ZNF676: variants seen among roughly 807,000 people sequenced by gnomAD.
ZNF676 encodes the protein zinc finger protein 676.
A neutral mutation model predicts 6.0 loss-of-function variants in ZNF676; 4 were observed. The ratio of observed to expected loss-of-function variants is 0.67; its 90% CI spans 0.33 to 1.53. ZNF676 has a LOEUF of 1.53. Ranked by LOEUF, ZNF676 falls within the 40% of genes most tolerant of loss-of-function variation. The pLI is 0.06. For synonymous variants in ZNF676, 198 were observed against 223.1 expected (o/e 0.89, Z 1.00); for missense variants, 644 against 679.7 (o/e 0.95, Z 0.58).
At chr19:22,183,838 C>A (rs964228202) in intron 2 of ZNF676, among the ~76,000 whole-genome samples, 9 of 152,018 alleles carry the variant, frequency 5.9e-5, no homozygotes, top group Admixed American at 2.0e-4. Flanking sequence ...ATAAAATGCA[C>A]TTGACAATGA....
chr19:22,232,950 G>T, the ZNF676 span, among the ~76,000 whole-genome samples: 1 of 151,806 alleles, frequency 6.6e-6, no homozygotes, highest in South Asian at 2.1e-4. Context: ...AAAAGTATAT[G>T]GAATCTAATG....
At chr19:22,245,560 G>A in the ZNF676 span, among the ~76,000 whole-genome samples, 4 of 145,840 alleles carry the variant, frequency 2.7e-5, no homozygotes, top group African/African-American at 1.1e-4. Flanking sequence ...CAATTCTTTA[G>A]GTGTTATGGT....
chr19:22,192,022 G>A (rs532225458), intron 2 of ZNF676, among the ~76,000 whole-genome samples: 233 of 152,196 alleles, frequency 1.5e-3, no homozygotes, highest in South Asian at 2.1e-3. Flanking sequence ...TGAAATTGAA[G>A]GCAAATAAGT....
chr19:22,191,223 T>C (rs1456765349), intron 2 of ZNF676, among the ~76,000 whole-genome samples: 21 of 152,146 alleles, frequency 1.4e-4, no homozygotes, highest in Admixed American at 6.6e-5. Context: ...AAGCCCAAGA[T>C]TGAGGAGCAC....
At chr19:22,256,572 C>T in the ZNF676 span, among the ~76,000 whole-genome samples, 1 of 152,272 alleles carries the variant, frequency 6.6e-6, no homozygotes, top group Non-Finnish European at 1.5e-5. Context: ...AGTCATATCT[C>T]ACTGGTAATG....
chr19:22,219,364 G>T (rs1275722025), upstream of ZNF676, among the ~76,000 whole-genome samples: 2 of 152,102 alleles, frequency 1.3e-5, no homozygotes, highest in Admixed American at 6.5e-5. Flanking sequence ...GTCCCAAAGT[G>T]CTGGGATTAC....
intron 2 of ZNF676, among the ~76,000 whole-genome samples, chr19:22,191,952 T>C (rs2023913073): frequency 6.6e-6 from 1 of 152,212 alleles, no homozygotes; most frequent in Non-Finnish European, 1.5e-5. Context: ...AATGCTTCTA[T>C]CTTAACACAG....
chr19:22,217,194 CT>C (rs1393175163), upstream of ZNF676, among the ~76,000 whole-genome samples: 5 of 151,706 alleles, frequency 3.3e-5, no homozygotes, highest in African/African-American at 7.3e-5. Context: ...CTATATAATT[CT>C]TTTTTTTAAT....
intron 2 of ZNF676, among the ~76,000 whole-genome samples, chr19:22,188,754 T>C (rs2023869311): frequency 6.6e-6 from 1 of 152,072 alleles, no homozygotes; most frequent in African/African-American, 2.4e-5. Flanking sequence ...CCATTTACAA[T>C]TGCTACAAAG....
At chr19:22,235,261 T>C in the ZNF676 span, among the ~76,000 whole-genome samples, 20 of 152,298 alleles carry the variant, frequency 1.3e-4, no homozygotes, top group East Asian at 2.7e-3. Context: ...TCAAGATCCA[T>C]TGGATCTCCT....
At chr19:22,200,515 A>ATTTTTTTTTTTTTTTTT (rs3035052), upstream of ZNF676, among the ~76,000 whole-genome samples, 2 of 105,850 alleles carry the variant, frequency 1.9e-5, no homozygotes, top group African/African-American at 3.8e-5. Flanking sequence ...TGCTTCATCA[A>ATTTTTTTTTTTTTTTTT]TTTTTTTTTT....
chr19:22,209,497 T>C (rs1337061845), intron 1 of ZNF676, among the ~76,000 whole-genome samples: 1 of 151,972 alleles, frequency 6.6e-6, no homozygotes, highest in Non-Finnish European at 1.5e-5. Context: ...TGAGGCCTAG[T>C]TGAGGGTGGG....
chr19:22,210,137 G>A (rs2024115018), intron 1 of ZNF676, among the ~76,000 whole-genome samples: 1 of 152,166 alleles, frequency 6.6e-6, no homozygotes, highest in East Asian at 1.9e-4. Flanking sequence ...GGAGAGCAGA[G>A]CTTCCCATTC....
intron 1 of ZNF676, among the ~76,000 whole-genome samples, chr19:22,194,606 C>T (rs951494273): frequency 6.6e-6 from 1 of 152,060 alleles, no homozygotes; most frequent in Admixed American, 6.6e-5. Flanking sequence ...GCTCCCCACC[C>T]CGAGCAGAAA....
At chr19:22,238,370 G>A in the ZNF676 span, among the ~76,000 whole-genome samples, 1 of 152,054 alleles carries the variant, frequency 6.6e-6, no homozygotes, top group Admixed American at 6.6e-5. Context: ...TATGTATAGA[G>A]TCACTAAACT....
At chr19:22,212,308 T>C (rs1301426829) in intron 1 of ZNF676, among the ~76,000 whole-genome samples, 1 of 152,010 alleles carries the variant, frequency 6.6e-6, no homozygotes, top group Non-Finnish European at 1.5e-5. Flanking sequence ...AAATGAAATA[T>C]ATAATTAGAT....
At chr19:22,218,500 ATTTTTTTT>A (rs142770128), upstream of ZNF676, among the ~76,000 whole-genome samples, 2 of 136,164 alleles carry the variant, frequency 1.5e-5, no homozygotes, top group Non-Finnish European at 3.2e-5. Context: ...ACCCAGCTAA[ATTTTTTTT>A]TTTTTTTTTG....
chr19:22,206,618 T>C (rs1378683104), intron 1 of ZNF676, among the ~76,000 whole-genome samples: 1 of 151,510 alleles, frequency 6.6e-6, no homozygotes, highest in Non-Finnish European at 1.5e-5. Context: ...GAGGTTGCAG[T>C]GAACCAAGAT....
At chr19:22,197,214 C>T (rs1027814328), upstream of ZNF676, among the ~76,000 whole-genome samples, 1 of 151,292 alleles carries the variant, frequency 6.6e-6, no homozygotes, top group African/African-American at 2.4e-5. Context: ...CCTAGCTACT[C>T]GGGAGGCTGA....
Sources: allele counts gnomAD v4.1 joint callset (sites outside exome capture counted in the v4.1 genomes callset), GRCh38; gene constraint gnomAD v4.1.1; transcripts MANE v1.5; gene names NCBI Gene and HGNC (gene_info 2026-07-23, HGNC 2026-07-21).